Variants in CYP4X1 observed in about 807,000 individuals in gnomAD.
CYP4X1 encodes cytochrome P450 family 4 subfamily X member 1.
A neutral mutation model predicts 57.9 loss-of-function variants in CYP4X1; 44 were observed. That is an observed-to-expected ratio of 0.76 (90% CI 0.60 to 0.98). The LOEUF (loss-of-function observed/expected upper bound fraction) is 0.98. Ranked by LOEUF, CYP4X1 falls within the 50% of genes least tolerant of loss-of-function variation. The pLI, the probability that CYP4X1 is intolerant of heterozygous loss-of-function variation, is 0.00. For missense variants in CYP4X1, 532 were observed against 623.9 expected (o/e 0.85, Z 1.57); for synonymous variants, 227 against 228.6 (o/e 0.99, Z 0.06).
chr1:46,982,373 A>C, the CYP4X1 span, among the ~76,000 whole-genome samples: 2 of 152,146 alleles, frequency 1.3e-5, no homozygotes, highest in East Asian at 3.9e-4. Flanking sequence ...CTGTCATCTC[A>C]GCCATTTCTT....
At chr1:47,048,848 G>T (rs1644330714) in intron 10 of CYP4X1, among the ~76,000 whole-genome samples, 3 of 152,232 alleles carry the variant, frequency 2.0e-5, no homozygotes, top group Non-Finnish European at 2.9e-5. Flanking sequence ...TAAGGTTTAA[G>T]ATCTATTACT....
chr1:47,013,756 ACT>A, the CYP4X1 span, among the ~76,000 whole-genome samples: 1 of 140,210 alleles, frequency 7.1e-6, no homozygotes, highest in Non-Finnish European at 1.5e-5. Context: ...ACCTCAATAT[ACT>A]CTTTTTTTTT....
At chr1:46,983,393 A>C in the CYP4X1 span, among the ~76,000 whole-genome samples, 36,021 of 152,224 alleles carry the variant, frequency 0.24, 4,582 homozygotes, top group East Asian at 0.4. Flanking sequence ...CCATTGTGCC[A>C]TGTTAGAGTT....
At chr1:46,989,670 C>G in the CYP4X1 span, among the ~76,000 whole-genome samples, 1 of 152,024 alleles carries the variant, frequency 6.6e-6, no homozygotes, top group East Asian at 1.9e-4. Flanking sequence ...GCTACAGTAA[C>G]CAAAACAGCA....
chr1:47,029,273 C>T (rs1465607977), intron 1 of CYP4X1, among the ~76,000 whole-genome samples: 1 of 152,154 alleles, frequency 6.6e-6, no homozygotes, highest in East Asian at 1.9e-4. Flanking sequence ...ATCTTGTTTT[C>T]AGTGATTTAG....
chr1:47,014,807 T>C, the CYP4X1 span, among the ~76,000 whole-genome samples: 5 of 152,150 alleles, frequency 3.3e-5, no homozygotes, highest in African/African-American at 1.2e-4. Context: ...TGGAGAAGTA[T>C]GAGCCTTCAC....
the CYP4X1 span, among the ~76,000 whole-genome samples, chr1:46,971,015 A>G: frequency 1.6e-4 from 24 of 152,260 alleles, no homozygotes; most frequent in African/African-American, 5.8e-4. Context: ...TGCTGTACAG[A>G]TTATTTTGTC....
At chr1:47,049,228 A>C (rs1644335413) in intron 10 of CYP4X1, among the ~76,000 whole-genome samples, 194 bp from the exon 11 acceptor site, 1 of 152,236 alleles carries the variant, frequency 6.6e-6, no homozygotes, top group African/African-American at 2.4e-5. Context: ...TATTGATTAC[A>C]GGTTGGAATG....
intron 1 of CYP4X1, among the ~76,000 whole-genome samples, chr1:47,027,423 A>C (rs990586536): frequency 1.6e-4 from 24 of 152,348 alleles, no homozygotes; most frequent in African/African-American, 5.8e-4. Flanking sequence ...TGATACGTGC[A>C]TACAATGTGC....
chr1:46,988,988 C>G, the CYP4X1 span, among the ~76,000 whole-genome samples: 21 of 152,208 alleles, frequency 1.4e-4, no homozygotes, highest in African/African-American at 5.1e-4. Flanking sequence ...AAAACAGGCA[C>G]AAGACAAGGA....
chr1:47,016,999 C>T, the CYP4X1 span, among the ~76,000 whole-genome samples: 1 of 152,198 alleles, frequency 6.6e-6, no homozygotes, highest in South Asian at 2.1e-4. Flanking sequence ...TAATGACCTC[C>T]AGTTCTATCC....
In CYP4X1 at chr1:47,023,933, TGCTGCGGG is replaced by T; in HGVS notation, c.117_124del (p.Leu40ProfsTer22). The T allele has an allele frequency of 6.2e-7, 1 of 1,613,534 alleles. No homozygotes were observed. The highest frequency in any genetic ancestry group is 1.1e-5 in the South Asian group (1 of 91,050). On this transcript the variant is annotated frameshift_variant, in exon 1 of 12. Transcript: ENST00000371901. LOFTEE classifies it high-confidence loss of function. Reference sequence around the variant, plus strand: ...AAGCTGTACCTGCGGAGGCAGCGGCTGCTGCGGGACCTGCGCCCCTTCCCAGCGCCCCC... The same window carrying T: ...AAGCTGTACCTGCGGAGGCAGCGGCTACCTGCGCCCCTTCCCAGCGCCCCC...
the CYP4X1 span, among the ~76,000 whole-genome samples, chr1:46,988,754 C>T: frequency 6.6e-6 from 1 of 152,096 alleles, no homozygotes; most frequent in African/African-American, 2.4e-5. Context: ...AAATATAATG[C>T]ATCACATAAA....
rs1048237313 is a variant in CYP4X1, at chr1:47,030,100, A to T, written c.288A>T (p.Pro96=). 18 of 1,613,982 alleles carry T rather than the reference A, an allele frequency of 1.1e-5. No individual in the cohort carries two copies. The highest frequency in any genetic ancestry group is 1.6e-4 in the Middle Eastern group (1 of 6,082). Residue 96 remains proline (P), a synonymous_variant, in exon 2 of 12, where the codon CCA becomes CCT. Coordinates refer to ENST00000371901, the MANE Select transcript of CYP4X1 (RefSeq NM_178033.2). ...AGGCATTTTTCTGTATCTATGACCC[A>T]GACTATGCAAAGACACTTCTGAGCA... is the stretch of plus-strand genomic sequence containing the variant. ...PFQAFFCIYD[P]DYAKTLLSRT...
the CYP4X1 span, among the ~76,000 whole-genome samples, chr1:47,009,689 G>T: frequency 1.3e-5 from 2 of 152,030 alleles, no homozygotes; most frequent in Non-Finnish European, 2.9e-5. Flanking sequence ...AGAAAAGAGA[G>T]AAGAATCAAA....
At chr1:46,968,755 T>A in the CYP4X1 span, among the ~76,000 whole-genome samples, 12 of 152,222 alleles carry the variant, frequency 7.9e-5, no homozygotes, top group Non-Finnish European at 1.5e-5. Flanking sequence ...GCACAGGATG[T>A]GTTTCTATAT....
chr1:46,971,050 A>C, the CYP4X1 span, among the ~76,000 whole-genome samples: 2 of 152,062 alleles, frequency 1.3e-5, no homozygotes, highest in African/African-American at 2.4e-5. Flanking sequence ...CATTGTATTC[A>C]ATAGGTAATT....
At chr1:47,055,349 A>G (rs1256003085), downstream of CYP4X1, among the ~76,000 whole-genome samples, 1 of 152,082 alleles carries the variant, frequency 6.6e-6, no homozygotes, top group Non-Finnish European at 1.5e-5. Flanking sequence ...TTTTGCATTG[A>G]TGATCATTAA....
rs1367082887 is a variant in CYP4X1 at position 47,030,147 on chromosome 1, A to G, written c.319+16A>G. Reference sequence around the variant, plus strand: ...AGCAGAACAGGTAAGAAGAGGGGGAAAGCTCTGGGACCTATTCCTCCTAGA... The same window carrying G: ...AGCAGAACAGGTAAGAAGAGGGGGAGAGCTCTGGGACCTATTCCTCCTAGA... On this transcript the variant is annotated intron_variant, in intron 2 of 11. Coordinates refer to ENST00000371901, the MANE Select transcript of CYP4X1 (RefSeq NM_178033.2). 2 of 1,603,128 alleles carry G rather than the reference A, an allele frequency of 1.2e-6. No individual in the cohort carries two copies. The highest frequency in any genetic ancestry group is 1.7e-6 in the Non-Finnish European group (2 of 1,173,146).
Sources: gnomAD v4.1 joint callset for allele counts (sites outside exome capture counted in the v4.1 genomes callset) on GRCh38, gnomAD v4.1.1 for gene constraint, MANE v1.5 for transcripts, NCBI Gene and HGNC (gene_info 2026-07-23, HGNC 2026-07-21) for gene names.